CSMD1: variants seen among roughly 807,000 people sequenced by gnomAD.
The protein encoded by CSMD1 is CUB and sushi domain-containing protein 1.
A neutral mutation model predicts 417.5 loss-of-function variants in CSMD1; 213 were observed. The ratio of observed to expected loss-of-function variants is 0.51; its 90% CI spans 0.46 to 0.57. The LOEUF is 0.57. CSMD1 is among the 20% of genes least tolerant of loss of function. CSMD1 has a pLI of 0.00. For synonymous variants in CSMD1, 2,862 were observed against 1,736.8 expected (o/e 1.65, Z -16.11); for missense variants, 6,923 against 4,529.7 (o/e 1.53, Z -15.17).
chr8:4,026,717 A>C (rs1265800347), intron 4 of CSMD1, among the ~76,000 whole-genome samples: 1 of 152,204 alleles, frequency 6.6e-6, no homozygotes, highest in Non-Finnish European at 1.5e-5. Flanking sequence ...AGATCAAGGG[A>C]CTTCTTTTTT....
chr8:4,093,512 G>A (rs901858106), intron 3 of CSMD1, among the ~76,000 whole-genome samples: 1 of 152,080 alleles, frequency 6.6e-6, no homozygotes, highest in Non-Finnish European at 1.5e-5. Flanking sequence ...ATGATTCAAA[G>A]GAATATAGTG....
intron 1 of CSMD1, among the ~76,000 whole-genome samples, chr8:4,730,501 G>A (rs1484152418): frequency 2.6e-5 from 4 of 152,152 alleles, no homozygotes; most frequent in Admixed American, 2.6e-4. Context: ...AGCACTTTGG[G>A]AGGCTGAGGC....
chr8:4,967,804 C>G (rs967833430), intron 1 of CSMD1, among the ~76,000 whole-genome samples: 2 of 152,074 alleles, frequency 1.3e-5, no homozygotes, highest in Non-Finnish European at 2.9e-5. Context: ...TTCACAGGGT[C>G]GACTGACCCA....
intron 23 of CSMD1, among the ~76,000 whole-genome samples, chr8:3,325,204 T>C (rs1466973172): frequency 2.0e-5 from 3 of 152,182 alleles, no homozygotes; most frequent in Non-Finnish European, 4.4e-5. Flanking sequence ...GGTGTCCAGG[T>C]CTCCAGGCTG....
chr8:4,532,983 C>T (rs893962429), intron 2 of CSMD1, among the ~76,000 whole-genome samples: 1 of 152,156 alleles, frequency 6.6e-6, no homozygotes, highest in Non-Finnish European at 1.5e-5. Flanking sequence ...CACAGTCACT[C>T]TGGAAAAGAA....
chr8:2,969,094 C>A (rs562378588), intron 57 of CSMD1, among the ~76,000 whole-genome samples: 2 of 152,054 alleles, frequency 1.3e-5, no homozygotes. Flanking sequence ...AATTTAAATT[C>A]CTTAGATATA....
chr8:3,523,818 C>T (rs1459475425), intron 10 of CSMD1, among the ~76,000 whole-genome samples: 5 of 150,398 alleles, frequency 3.3e-5, no homozygotes, highest in Non-Finnish European at 7.4e-5. Flanking sequence ...TACACACACG[C>T]ACATATGCAT....
chr8:4,685,585 A>AAAAGAAAGAAAG (rs375278505), intron 1 of CSMD1, among the ~76,000 whole-genome samples: 3 of 151,966 alleles, frequency 2.0e-5, no homozygotes, highest in African/African-American at 7.3e-5. Flanking sequence ...TTAAAAGAAA[A>AAAAGAAAGAAAG]AAAGAAAGAA....
chr8:4,374,192 G>C (rs746570866), intron 3 of CSMD1, among the ~76,000 whole-genome samples: 12 of 152,112 alleles, frequency 7.9e-5, no homozygotes, highest in Non-Finnish European at 1.6e-4. Context: ...TTCCAGTCCA[G>C]GGTTAGCTTT....
At chr8:4,661,640 T>A (rs1804613824) in intron 1 of CSMD1, among the ~76,000 whole-genome samples, 1 of 152,186 alleles carries the variant, frequency 6.6e-6, no homozygotes, top group African/African-American at 2.4e-5. Flanking sequence ...AAGGGGAAAC[T>A]GAGCAATAGA....
chr8:3,432,624 T>A (rs1814285389), intron 12 of CSMD1, among the ~76,000 whole-genome samples: 1 of 150,390 alleles, frequency 6.6e-6, no homozygotes, highest in Non-Finnish European at 1.5e-5. Context: ...CAAGAGATTC[T>A]CCTGCCTCAG....
chr8:4,332,874 G>A (rs1298977772), intron 3 of CSMD1, among the ~76,000 whole-genome samples: 2 of 149,446 alleles, frequency 1.3e-5, no homozygotes, highest in South Asian at 2.1e-4. Flanking sequence ...ACAAAGGAAT[G>A]TTTTTGAGAA....
chr8:4,572,383 T>G (rs944556072), intron 2 of CSMD1, among the ~76,000 whole-genome samples: 2 of 152,192 alleles, frequency 1.3e-5, no homozygotes, highest in African/African-American at 4.8e-5. Flanking sequence ...TGAAGCTTAG[T>G]TTGGCTGGAC....
chr8:4,626,116 C>T (rs1449213970), intron 2 of CSMD1, among the ~76,000 whole-genome samples: 1 of 152,090 alleles, frequency 6.6e-6, no homozygotes, highest in Admixed American at 6.6e-5. Context: ...CATGTATAGA[C>T]CATGAGAAAC....
At chr8:4,283,984 G>C (rs1250578421) in intron 3 of CSMD1, among the ~76,000 whole-genome samples, 1 of 152,184 alleles carries the variant, frequency 6.6e-6, no homozygotes, top group Non-Finnish European at 1.5e-5. Context: ...TGTAATCGTA[G>C]CACTTTGGGA....
intron 54 of CSMD1, among the ~76,000 whole-genome samples, chr8:2,985,917 A>T (rs1259614431): frequency 1.5e-5 from 2 of 136,410 alleles, no homozygotes; most frequent in African/African-American, 5.5e-5. Context: ...GAAAGAAGGG[A>T]AGGGAAGGGG....
At chr8:3,351,872 T>C (rs902034188) in intron 21 of CSMD1, among the ~76,000 whole-genome samples, 10 of 151,896 alleles carry the variant, frequency 6.6e-5, no homozygotes, top group African/African-American at 2.4e-4. Flanking sequence ...ACGATTAACA[T>C]AGAATCACAT....
intron 3 of CSMD1, among the ~76,000 whole-genome samples, chr8:4,376,531 A>G (rs1802751871): frequency 6.6e-6 from 1 of 152,130 alleles, no homozygotes; most frequent in Non-Finnish European, 1.5e-5. Context: ...TATTTAATCA[A>G]TTTTTAATTT....
intron 7 of CSMD1, among the ~76,000 whole-genome samples, chr8:3,641,327 A>G (rs1797296815): frequency 6.6e-6 from 1 of 152,064 alleles, no homozygotes; most frequent in African/African-American, 2.4e-5. Context: ...GTCACTAGCA[A>G]TGGAACCAAC....
Sources: gnomAD v4.1 joint callset for allele counts (sites outside exome capture counted in the v4.1 genomes callset) on GRCh38, gnomAD v4.1.1 for gene constraint, MANE v1.5 for transcripts, NCBI Gene and HGNC (gene_info 2026-07-23, HGNC 2026-07-21) for gene names.